The following ATP6V1A variants were observed in gnomAD, a reference collection of about 807,000 sequenced individuals.
ATP6V1A encodes V-type proton ATPase catalytic subunit A.
Under a neutral mutation model 70.1 loss-of-function variants are expected in ATP6V1A, and 18 were observed. That is an observed-to-expected ratio of 0.26 (90% CI 0.18 to 0.38). The LOEUF (loss-of-function observed/expected upper bound fraction) is 0.38. ATP6V1A is among the 10% of genes least tolerant of loss of function. The pLI is 1.00. For missense variants in ATP6V1A, 424 were observed against 772.4 expected (o/e 0.55, Z 5.35); for synonymous variants, 232 against 253.8 (o/e 0.91, Z 0.82).
At chr3:113,759,004 A>G (rs943104397) in intron 1 of ATP6V1A, among the ~76,000 whole-genome samples, 3 of 152,160 alleles carry the variant, frequency 2.0e-5, no homozygotes, top group African/African-American at 2.4e-5. Context: ...GCCTGTTTTA[A>G]TTGAGTTTTC....
intron 1 of ATP6V1A, among the ~76,000 whole-genome samples, chr3:113,753,729 T>C (rs556813166): frequency 6.7e-6 from 1 of 148,704 alleles, no homozygotes; most frequent in Admixed American, 6.8e-5. Context: ...AGGATCTTGC[T>C]CTGTTACCCA....
intron 3 of ATP6V1A, among the ~76,000 whole-genome samples, chr3:113,782,231 A>G (rs989791814): frequency 2.6e-5 from 4 of 152,200 alleles, no homozygotes; most frequent in South Asian, 2.1e-4. Flanking sequence ...TTAAATAAAA[A>G]TAGAAGTTTT....
Position 113,789,848 on chromosome 3 carries a change from T to C in ATP6V1A, c.988+8T>C. On this transcript the variant is annotated splice_region_variant and intron_variant, in intron 8 of 14. Transcript: ENST00000273398. ...AAGCCTCTATTTATACTGGTGAGTATATAATTGGAATAAAAGCAGTTAACA... is the reference window on the plus strand; with the variant it reads ...AAGCCTCTATTTATACTGGTGAGTACATAATTGGAATAAAAGCAGTTAACA... 2 of 1,568,626 alleles carry C rather than the reference T, an allele frequency of 1.3e-6. No homozygotes were observed. The highest frequency in any genetic ancestry group is 1.1e-5 in the South Asian group (1 of 89,988).
At position 113,805,335 on chromosome 3, in the gene ATP6V1A, G is replaced by A; in HGVS notation, c.1590-19G>A. The A allele has an allele frequency of 6.2e-7, 1 of 1,607,670 alleles. No homozygotes were observed. The highest frequency in any genetic ancestry group is 1.7e-5 in the Admixed American group (1 of 58,262). On this transcript the variant is annotated intron_variant, in intron 13 of 14. Coordinates refer to ENST00000273398, the MANE Select transcript of ATP6V1A (RefSeq NM_001690.4). ...TGGAGTTTATTTTTGTTAATTTTTT[G>A]GACCTTCATTTATTCTAGGTTCTGC...
intron 1 of ATP6V1A, among the ~76,000 whole-genome samples, chr3:113,773,370 G>A (rs1577085823): frequency 6.6e-6 from 1 of 152,208 alleles, no homozygotes; most frequent in Non-Finnish European, 1.5e-5. Context: ...AGGACTCTAG[G>A]TTCTCTTATT....
chr3:113,805,620 G>GT (rs1709268021), intron 14 of ATP6V1A, 95 bp downstream of exon 14: 1 of 1,246,600 alleles, frequency 8.0e-7, no homozygotes, highest in Non-Finnish European at 1.1e-6. Flanking sequence ...CGAGGCTGGA[G>GT]TGCAGTGGCA....
chr3:113,778,929 T>C, intron 2 of ATP6V1A, 94 bp downstream of exon 2: 6 of 853,864 alleles, frequency 7.0e-6, no homozygotes, highest in Non-Finnish European at 1.0e-5. Context: ...ACTTTCTGTT[T>C]ACCTGCATAA....
At chr3:113,785,868 T>C (rs546245671) in intron 5 of ATP6V1A, among the ~76,000 whole-genome samples, 25 of 148,658 alleles carry the variant, frequency 1.7e-4, no homozygotes, top group Non-Finnish European at 2.2e-4. Context: ...TTCTTTCTTT[T>C]TTTTTTTTTT....
chr3:113,795,778 C>A, intron 10 of ATP6V1A, 98 bp from the exon 11 acceptor site: 8 of 906,898 alleles, frequency 8.8e-6, no homozygotes, highest in Non-Finnish European at 1.3e-5. Flanking sequence ...ACATTAAAAT[C>A]GACTTTAAAA....
At chr3:113,763,393 T>G (rs192484721) in intron 1 of ATP6V1A, among the ~76,000 whole-genome samples, 1 of 152,332 alleles carries the variant, frequency 6.6e-6, no homozygotes, top group Non-Finnish European at 1.5e-5. Flanking sequence ...AGTCCTTCCA[T>G]GTATTCTTAT....
At chr3:113,752,862 A>G (rs1408606603) in intron 1 of ATP6V1A, among the ~76,000 whole-genome samples, 1 of 152,188 alleles carries the variant, frequency 6.6e-6, no homozygotes, top group Non-Finnish European at 1.5e-5. Context: ...CAGATGGATT[A>G]GAGGCTTAAA....
intron 1 of ATP6V1A, among the ~76,000 whole-genome samples, chr3:113,761,113 T>C (rs1302708397): frequency 6.6e-6 from 1 of 151,660 alleles, no homozygotes. Context: ...TTTTTTTTTT[T>C]CTTTTTTTTT....
chr3:113,773,823 T>G (rs1448673390), intron 1 of ATP6V1A, among the ~76,000 whole-genome samples: 1 of 152,170 alleles, frequency 6.6e-6, no homozygotes, highest in African/African-American at 2.4e-5. Flanking sequence ...TGCCATTGCT[T>G]TATGCTCTTC....
chr3:113,785,999 CCTTT>C (rs1709035799), intron 5 of ATP6V1A, among the ~76,000 whole-genome samples: 2 of 148,794 alleles, frequency 1.3e-5, no homozygotes, highest in Non-Finnish European at 3.0e-5. Context: ...CTGATATACT[CCTTT>C]CTAACTCAGA....
chr3:113,784,513 C>G (rs900771266), intron 4 of ATP6V1A, 75 bp downstream of exon 4: 23 of 1,432,768 alleles, frequency 1.6e-5, no homozygotes, highest in Non-Finnish European at 2.1e-5. Flanking sequence ...CTACATTGTA[C>G]TCTTAGTCCA....
chr3:113,767,179 CT>C (rs1708782014), intron 1 of ATP6V1A, among the ~76,000 whole-genome samples: 1 of 147,394 alleles, frequency 6.8e-6, no homozygotes, highest in Non-Finnish European at 1.5e-5. Context: ...GCAACCTTAG[CT>C]TCCTGGGTTC....
chr3:113,750,705 A>T (rs948035523), intron 1 of ATP6V1A, among the ~76,000 whole-genome samples: 1 of 152,246 alleles, frequency 6.6e-6, no homozygotes, highest in African/African-American at 2.4e-5. Context: ...TCATGAATGT[A>T]AAATGCCTAG....
intron 1 of ATP6V1A, among the ~76,000 whole-genome samples, chr3:113,768,546 A>G (rs901868614): frequency 6.6e-6 from 1 of 150,598 alleles, no homozygotes; most frequent in Non-Finnish European, 1.5e-5. Flanking sequence ...TGTCCCAGGC[A>G]GATGACCAAA....
rs770874212 is a variant in ATP6V1A, at chr3:113,809,395, A to G, written c.1822A>G (p.Met608Val). The change falls in exon 15 of 15, where the codon ATG (methionine) becomes GTG (valine). Residue 608 changes from methionine (M) to valine (V), a missense_variant. By Grantham distance (21) the Met-to-Val change is conservative. This residue lies in a region of ATP6V1A where 127 missense variants were observed against 207.9 expected (regional missense o/e 0.61). Coordinates refer to ENST00000273398, the MANE Select transcript of ATP6V1A (RefSeq NM_001690.4). Reference protein sequence around the residue: ...KSDYAQLLEDMQNAFRSLED With the variant: ...KSDYAQLLEDVQNAFRSLED Reference sequence around the variant, plus strand: ...CGACTATGCACAACTTCTTGAAGACATGCAGAATGCATTCCGTAGCCTTGA... The same window carrying G: ...CGACTATGCACAACTTCTTGAAGACGTGCAGAATGCATTCCGTAGCCTTGA... 1.9e-6 allele frequency: 3 copies of G among 1,613,812 alleles called. No homozygotes were observed. Among genetic ancestry groups the G allele is most frequent in the South Asian group, 2.2e-5 (2 of 91,082 alleles).
Sources: allele counts gnomAD v4.1 joint callset (sites outside exome capture counted in the v4.1 genomes callset), GRCh38; gene constraint gnomAD v4.1.1; regional missense constraint gnomAD v4.1.1; transcripts MANE v1.5; gene names NCBI Gene and HGNC (gene_info 2026-07-23, HGNC 2026-07-21).